TENM4: variants seen among roughly 807,000 people sequenced by gnomAD.
TENM4 encodes the protein teneurin-4.
TENM4 carries 82 observed loss-of-function variants against 243.3 expected under a neutral mutation model. That is an observed-to-expected ratio of 0.34 (90% CI 0.28 to 0.40). The LOEUF is 0.40. Among genes scored for constraint, TENM4 ranks in the 10% least tolerant of loss-of-function variants. The pLI is 1.00. For missense variants in TENM4, 3,138 were observed against 3,673.3 expected (o/e 0.85, Z 3.77); for synonymous variants, 1,412 against 1,456.3 (o/e 0.97, Z 0.69).
At chr11:78,691,639 G>A (rs1858827194) in intron 28 of TENM4, among the ~76,000 whole-genome samples, 1 of 152,186 alleles carries the variant, frequency 6.6e-6, no homozygotes, top group African/African-American at 2.4e-5. Context: ...ATTGAAGGTA[G>A]CTTGTAAGGC....
At chr11:79,428,609 A>C (rs949125114) in intron 1 of TENM4, among the ~76,000 whole-genome samples, 1 of 152,226 alleles carries the variant, frequency 6.6e-6, no homozygotes, top group East Asian at 1.9e-4. Flanking sequence ...CTATCATGAC[A>C]TCTCCAGGCA....
intron 9 of TENM4, among the ~76,000 whole-genome samples, chr11:78,868,429 C>A (rs181603647): frequency 1.3e-5 from 2 of 152,298 alleles, no homozygotes; most frequent in East Asian, 3.9e-4. Flanking sequence ...AGATCACCCA[C>A]GCTGAAATGT....
intron 6 of TENM4, among the ~76,000 whole-genome samples, chr11:78,913,810 T>G (rs1454303673): frequency 6.6e-6 from 1 of 152,148 alleles, no homozygotes; most frequent in African/African-American, 2.4e-5. Flanking sequence ...CGGGGTCAAC[T>G]CAGTACAGTA....
At chr11:78,930,936 AG>A (rs1275899121) in intron 6 of TENM4, among the ~76,000 whole-genome samples, 1 of 152,202 alleles carries the variant, frequency 6.6e-6, no homozygotes, top group African/African-American at 2.4e-5. Flanking sequence ...GTCCAGGGGA[AG>A]GGTTCCAAAT....
chr11:79,409,108 G>A (rs953795003), intron 1 of TENM4, among the ~76,000 whole-genome samples: 22 of 141,850 alleles, frequency 1.6e-4, no homozygotes, highest in African/African-American at 4.1e-4. Context: ...GTGTGCGCGC[G>A]CGCGCGTGCG....
chr11:79,158,973 A>C (rs1048384982), intron 3 of TENM4, among the ~76,000 whole-genome samples: 2 of 152,154 alleles, frequency 1.3e-5, no homozygotes, highest in African/African-American at 2.4e-5. Flanking sequence ...GCTCACTGAA[A>C]AGCCCCTGTT....
intron 1 of TENM4, among the ~76,000 whole-genome samples, chr11:79,322,415 T>C (rs1165884807): frequency 1.3e-5 from 2 of 152,242 alleles, no homozygotes; most frequent in Non-Finnish European, 2.9e-5. Context: ...GCAAATTATG[T>C]GGCTGGCCCT....
At chr11:78,893,778 C>CAT (rs1298777461) in intron 7 of TENM4, among the ~76,000 whole-genome samples, 2 of 92,440 alleles carry the variant, frequency 2.2e-5, no homozygotes, top group Non-Finnish European at 5.5e-5. Context: ...CAGGACTTCA[C>CAT]ATACACACAC....
At chr11:79,085,468 G>A (rs1432391669) in intron 4 of TENM4, among the ~76,000 whole-genome samples, 4 of 150,712 alleles carry the variant, frequency 2.7e-5, no homozygotes, top group East Asian at 1.9e-4. Flanking sequence ...CATACTTCTC[G>A]TACAACTTTG....
chr11:78,847,640 G>A (rs1858429731), intron 12 of TENM4, among the ~76,000 whole-genome samples: 1 of 152,158 alleles, frequency 6.6e-6, no homozygotes, highest in Non-Finnish European at 1.5e-5. Flanking sequence ...CCAAAGAAGT[G>A]TTTCCATTAG....
intron 2 of TENM4, among the ~76,000 whole-genome samples, chr11:79,259,312 T>G (rs1855752084): frequency 6.6e-6 from 1 of 152,182 alleles, no homozygotes; most frequent in African/African-American, 2.4e-5. Flanking sequence ...ATACACTGTT[T>G]CCTCCACCTA....
chr11:78,937,814 G>A (rs1856817327), intron 6 of TENM4, among the ~76,000 whole-genome samples: 2 of 152,128 alleles, frequency 1.3e-5, no homozygotes, highest in Non-Finnish European at 1.5e-5. Flanking sequence ...TTTAAACAAC[G>A]AATGCACTTT....
At chr11:79,057,177 G>A (rs1360494158) in intron 6 of TENM4, among the ~76,000 whole-genome samples, 2 of 152,100 alleles carry the variant, frequency 1.3e-5, no homozygotes, top group Non-Finnish European at 2.9e-5. Flanking sequence ...TCTCAACACA[G>A]CTTCCAGAAT....
At chr11:78,740,626 C>T (rs1855908817) in intron 19 of TENM4, among the ~76,000 whole-genome samples, 2 of 152,192 alleles carry the variant, frequency 1.3e-5, no homozygotes, top group Admixed American at 6.5e-5. Flanking sequence ...AATTGAATTT[C>T]GTATTGCTGG....
intron 10 of TENM4, among the ~76,000 whole-genome samples, chr11:78,861,252 C>T (rs1358381742): frequency 6.6e-6 from 1 of 152,226 alleles, no homozygotes; most frequent in Non-Finnish European, 1.5e-5. Flanking sequence ...TTACATGATT[C>T]TATTGCTATT....
At chr11:79,047,515 G>T (rs547845207) in intron 6 of TENM4, among the ~76,000 whole-genome samples, 1 of 152,302 alleles carries the variant, frequency 6.6e-6, no homozygotes, top group Admixed American at 6.5e-5. Context: ...ACTCTGCCAG[G>T]GACTGGGCTT....
Position 78,896,824 on chromosome 11 carries a change from C to T in TENM4, c.750-5488G>A, listed in dbSNP as rs188808852. ...GTTCTGCCACTTACTGGCTGTGGGACCTGAGGCAAGTTACTTAACTTGTCT... is the reference window on the plus strand; with the variant it reads ...GTTCTGCCACTTACTGGCTGTGGGATCTGAGGCAAGTTACTTAACTTGTCT... On this transcript the variant is annotated intron_variant, in intron 7 of 33. Transcript: ENST00000278550. Among the ~76,000 whole-genome samples, 474 of 152,178 alleles carry T rather than the reference C, an allele frequency of 3.1e-3. 2 individuals are homozygous for T. The highest frequency in any genetic ancestry group is 0.027 in the Middle Eastern group (8 of 294).
intron 4 of TENM4, among the ~76,000 whole-genome samples, chr11:79,080,262 C>T (rs927733194): frequency 3.3e-5 from 5 of 152,210 alleles, no homozygotes; most frequent in Admixed American, 1.3e-4. Flanking sequence ...AGGGTAGACC[C>T]GGGGACAAGG....
chr11:79,411,564 C>CT (rs1565335653), intron 1 of TENM4, among the ~76,000 whole-genome samples: 1 of 152,172 alleles, frequency 6.6e-6, no homozygotes, highest in Non-Finnish European at 1.5e-5. Flanking sequence ...GCCTTCCTCT[C>CT]TTCCCCCTTG....
Sources: gnomAD v4.1 joint callset for allele counts (sites outside exome capture counted in the v4.1 genomes callset) on GRCh38, gnomAD v4.1.1 for gene constraint, MANE v1.5 for transcripts, NCBI Gene and HGNC (gene_info 2026-07-23, HGNC 2026-07-21) for gene names.